Variants in ANKRD54 observed in about 807,000 individuals in gnomAD.
ANKRD54 encodes ankyrin repeat domain 54, also known as ankyrin repeat domain-containing protein 54.
ANKRD54 carries 26 observed loss-of-function variants against 36.2 expected under a neutral mutation model. The observed-to-expected ratio is 0.72, with a 90% CI of 0.53 to 1.00. The LOEUF is 1.00. Among genes scored for constraint, ANKRD54 ranks in the 50% least tolerant of loss-of-function variants. ANKRD54 has a pLI of 0.00. For synonymous variants in ANKRD54, 209 were observed against 188.4 expected, an observed-to-expected ratio of 1.11 and a Z score of -0.89; for missense variants, 384 against 424.3, an observed-to-expected ratio of 0.91 and a Z score of 0.83.
At chr22:37,839,215 C>T (rs980352899) in intron 2 of ANKRD54, among the ~76,000 whole-genome samples, 8 of 151,898 alleles carry the variant, frequency 5.3e-5, no homozygotes, top group African/African-American at 1.9e-4. Flanking sequence ...ATGCAGGCTA[C>T]AGCATGTGTA....
chr22:37,832,028 G>T lies in ANKRD54; in HGVS notation c.829-11C>A. 1 of 1,610,842 alleles carries T rather than the reference G, an allele frequency of 6.2e-7. No homozygotes were observed. Among genetic ancestry groups the T allele is most frequent in the Non-Finnish European group, 8.5e-7 (1 of 1,178,572 alleles). ...AGTCACTTCATCCACCTGCAGGACG[G>T]AACAGAGGCTCTGTTATGGGACACG... On this transcript the variant is annotated splice_polypyrimidine_tract_variant and intron_variant, in intron 7 of 7. Coordinates refer to ENST00000215941, the MANE Select transcript of ANKRD54 (RefSeq NM_138797.4).
intron 1 of ANKRD54, 45 bp downstream of exon 1, chr22:37,843,866 C>T: frequency 1.7e-6 from 2 of 1,184,660 alleles, no homozygotes; most frequent in Non-Finnish European, 2.1e-6. Context: ...CGCCCCTCGC[C>T]CGGGCTGCCC....
At chr22:37,832,519 C>A in intron 7 of ANKRD54, 118 bp downstream of exon 7, 1 of 881,084 alleles carries the variant, frequency 1.1e-6, no homozygotes, top group East Asian at 2.5e-5. Context: ...TGAGCCCCTG[C>A]GGCTGGCCCC....
intron 7 of ANKRD54, 108 bp downstream of exon 7, chr22:37,832,529 C>T: frequency 9.5e-7 from 1 of 1,050,592 alleles, no homozygotes; most frequent in Non-Finnish European, 1.4e-6. Context: ...CGGCTGGCCC[C>T]AGCCCACAGC....
At chr22:37,833,992 G>T (rs1046000589) in intron 3 of ANKRD54, 1 of 498,156 alleles carries the variant, frequency 2.0e-6, no homozygotes, top group Non-Finnish European at 3.7e-6. Context: ...GCAGGTGTAG[G>T]AATGAGATTT....
upstream of ANKRD54, chr22:37,849,263 GT>G: frequency 1.4e-6 from 1 of 721,200 alleles, no homozygotes; most frequent in South Asian, 1.6e-5. Context: ...AACTGGTGGG[GT>G]TACAGGTGTG....
At chr22:37,838,430 G>C (rs776974304) in intron 3 of ANKRD54, 70 bp downstream of exon 3, 14 of 1,449,296 alleles carry the variant, frequency 9.7e-6, no homozygotes, top group Non-Finnish European at 1.2e-5. Flanking sequence ...AGACAGCAGC[G>C]CCTCCCCCAA....
At chr22:37,846,650 A>G (rs551476334), upstream of ANKRD54, among the ~76,000 whole-genome samples, 54 of 152,014 alleles carry the variant, frequency 3.6e-4, no homozygotes, top group Admixed American at 3.0e-3. Context: ...GCCCAGGCTG[A>G]TCTTGAGCTC....
chr22:37,846,002 G>A (rs536054659), upstream of ANKRD54, among the ~76,000 whole-genome samples: 4 of 151,982 alleles, frequency 2.6e-5, no homozygotes, highest in African/African-American at 7.2e-5. Flanking sequence ...GTGAAACCCC[G>A]TCTCTACTAA....
intron 7 of ANKRD54, 132 bp from the exon 8 acceptor site, chr22:37,832,149 C>G (rs1042707393): frequency 2.4e-6 from 2 of 829,868 alleles, no homozygotes; most frequent in African/African-American, 3.4e-5. Flanking sequence ...CTTCTGACTA[C>G]GCAGCAGTTG....
intron 1 of ANKRD54, among the ~76,000 whole-genome samples, chr22:37,842,598 G>T (rs1924414735): frequency 6.6e-6 from 1 of 152,194 alleles, no homozygotes; most frequent in South Asian, 2.1e-4. Flanking sequence ...TTCCTAAGCA[G>T]ATTTTCCCCC....
intron 3 of ANKRD54, among the ~76,000 whole-genome samples, chr22:37,837,179 G>C (rs540009114): frequency 6.6e-6 from 1 of 152,208 alleles, no homozygotes; most frequent in African/African-American, 2.4e-5. Flanking sequence ...AGGGAAAGGT[G>C]GAACTCTTAC....
chr22:37,846,110 G>T (rs1256570588), upstream of ANKRD54, among the ~76,000 whole-genome samples: 1 of 151,982 alleles, frequency 6.6e-6, no homozygotes, highest in Non-Finnish European at 1.5e-5. Flanking sequence ...AGGAGGCAGA[G>T]CTTGCGGTGA....
chr22:37,844,233 T>A lies in ANKRD54; in HGVS notation c.6A>T (p.Ala2=). Residue 2 remains alanine (A), a synonymous_variant, in exon 1 of 8, where the codon GCA becomes GCT. Transcript: ENST00000215941. ...CGTCGTCCGCGTCCCCGGCGGCGGCTGCCATGGCAACGGCTCCGCGCGGGC... is the reference window on the plus strand; with the variant it reads ...CGTCGTCCGCGTCCCCGGCGGCGGCAGCCATGGCAACGGCTCCGCGCGGGC... M[A]AAAGDADDEP... is the part of the protein sequence containing the mutation. 1 of 1,545,660 alleles carries A rather than the reference T, an allele frequency of 6.5e-7. No individual in the cohort carries two copies. Among genetic ancestry groups the A allele is most frequent in the Non-Finnish European group, 8.6e-7 (1 of 1,156,090 alleles).
rs2145957496 is a variant in ANKRD54 at position 37,833,212 on chromosome 22, G to T, written c.548-6C>A. 1 of 1,613,442 alleles carries T rather than the reference G, an allele frequency of 6.2e-7. No homozygotes were observed. Among genetic ancestry groups the T allele is most frequent in the East Asian group, 2.2e-5 (1 of 44,872 alleles). On this transcript the variant is annotated splice_polypyrimidine_tract_variant and splice_region_variant and intron_variant, in intron 4 of 7. Transcript: ENST00000215941. ...AACGTGGTTGGTGCAGGCCGCTGAG[G>T]AAGAACAACAGAGACTTAAGAATCC...
upstream of ANKRD54, chr22:37,848,521 G>A (rs1164760588): frequency 9.2e-5 from 14 of 151,910 alleles, no homozygotes; most frequent in Admixed American, 9.2e-4. Flanking sequence ...TCAGCCTCCT[G>A]AGTAGCTGGG....
At chr22:37,847,965 G>A (rs915776318), upstream of ANKRD54, among the ~76,000 whole-genome samples, 2 of 152,094 alleles carry the variant, frequency 1.3e-5, no homozygotes, top group Admixed American at 1.3e-4. Flanking sequence ...GAATGGGAGT[G>A]GGGGTGCCAC....
chr22:37,834,609 G>C (rs1923287322), intron 3 of ANKRD54: 1 of 150,078 alleles, frequency 6.7e-6, no homozygotes, highest in African/African-American at 2.5e-5. Flanking sequence ...GAGGTGGCAG[G>C]GCGGCTTGAG....
intron 2 of ANKRD54, 104 bp from the exon 3 acceptor site, chr22:37,838,702 A>G (rs1923848807): frequency 9.1e-7 from 1 of 1,103,634 alleles, no homozygotes; most frequent in Non-Finnish European, 1.3e-6. Context: ...CCTCTAGACA[A>G]GACATCGACA....
Sources: gnomAD v4.1 joint callset for allele counts (sites outside exome capture counted in the v4.1 genomes callset) on GRCh38, gnomAD v4.1.1 for gene constraint, MANE v1.5 for transcripts, NCBI Gene and HGNC (gene_info 2026-07-23, HGNC 2026-07-21) for gene names.